BMP1: variants seen among roughly 807,000 people sequenced by gnomAD.
BMP1 encodes bone morphogenetic protein 1.
In BMP1, 63 loss-of-function variants were observed where a neutral mutation model predicts 116.8. That is an observed-to-expected ratio of 0.54 (90% CI 0.44 to 0.67). BMP1 has a LOEUF of 0.67. BMP1 is among the 30% of genes least tolerant of loss of function. The probability of loss-of-function intolerance (pLI) is 0.00; values close to 1 mark genes in which losing one functional copy is unlikely to be tolerated. For synonymous variants in BMP1, 536 were observed against 533.4 expected (o/e 1.00, Z -0.07); for missense variants, 1,183 against 1,358.9 (o/e 0.87, Z 2.04).
chr8:22,208,564 C>CCCCAG (rs1248063717), intron 18 of BMP1, among the ~76,000 whole-genome samples: 1 of 152,162 alleles, frequency 6.6e-6, no homozygotes, highest in Non-Finnish European at 1.5e-5. Flanking sequence ...AGAGACACAA[C>CCCCAG]CCCAGCCCAG....
At chr8:22,178,545 A>C (rs1446803987) in intron 6 of BMP1, among the ~76,000 whole-genome samples, 1 of 150,894 alleles carries the variant, frequency 6.6e-6, no homozygotes, top group African/African-American at 2.5e-5. Flanking sequence ...CAAAACGCTG[A>C]GATTACAGGC....
rs762317805 is a variant in BMP1 at position 22,207,448 on chromosome 8, G to T, written c.2507G>T (p.Arg836Leu). The change falls in exon 18 of 20, where the codon CGC becomes CTC. Residue 836 changes from arginine to leucine, a missense_variant. Arg to Leu is a moderately radical substitution (Grantham distance 102). Around this residue, in one of 4 missense-constraint regions of BMP1, gnomAD observed 956 missense variants for 1,135.2 expected, o/e 0.84. Coordinates refer to ENST00000306385, the MANE Select transcript of BMP1 (RefSeq NM_006129.5). The stretch of plus-strand genomic sequence containing the variant: ...GAGCCCGTCCTGGCCACAGGCAGCC[G>T]CATGTTCCTGCGCTTCTACTCAGAT... ...KPEPVLATGS[R>L]MFLRFYSDNS... 5.0e-6 allele frequency: 8 copies of T among 1,614,120 alleles called. No homozygotes were observed. The highest frequency in any genetic ancestry group is 1.7e-5 in the Admixed American group (1 of 60,032).
intron 8 of BMP1, 141 bp from the exon 9 acceptor site, chr8:22,191,908 A>T: frequency 1.5e-6 from 1 of 646,868 alleles, no homozygotes; most frequent in African/African-American, 1.8e-5. Context: ...GTTCTGTGCC[A>T]GGAGCTCCTT....
Position 22,194,307 on chromosome 8 carries a change from C to A in BMP1, c.1297+133C>A. The A allele has an allele frequency of 6.9e-7, 1 of 1,452,610 alleles. No individual in the cohort carries two copies. The allele number at this position is 1,452,610 out of a possible 1,614,324, so 90.0% of individuals were successfully genotyped here. ...AGAAGCAGAGAGAATGATGGGATTG[C>A]CTGGGACTGGGGGTTTGGTGGGGAA... On this transcript the variant is annotated intron_variant, in intron 10 of 19. Transcript: ENST00000306385. The surrounding 1 kb of genome is among the most constrained non-coding windows in gnomAD (Gnocchi z 4.5).
intron 1 of BMP1, among the ~76,000 whole-genome samples, chr8:22,166,675 G>A (rs570135387): frequency 6.6e-6 from 1 of 152,338 alleles, no homozygotes; most frequent in South Asian, 2.1e-4. Flanking sequence ...GGTTGCTCTA[G>A]TCCTGGCTCT....
intron 16 of BMP1, among the ~76,000 whole-genome samples, chr8:22,206,103 A>G (rs1480652601): frequency 6.6e-6 from 1 of 152,166 alleles, no homozygotes; most frequent in Non-Finnish European, 1.5e-5. Flanking sequence ...GCAGTGGCTC[A>G]CGCCTGTAAT....
intron 1 of BMP1, 152 bp downstream of exon 1, chr8:22,165,705 G>A (rs1828075586): frequency 1.1e-6 from 1 of 899,336 alleles, no homozygotes; most frequent in East Asian, 3.3e-5. Flanking sequence ...GGGAGAGGGA[G>A]GGGGATTTGG....
Position 22,199,227 on chromosome 8 carries a change from C to G in BMP1, c.2107+1807C>G, listed in dbSNP as rs1434026933. The G allele has an allele frequency of 2.9e-6, 4 of 1,367,510 alleles. No individual in the cohort carries two copies. The Admixed American group carries it at 5.7e-5, about 20-fold the overall frequency. 84.7% of individuals were successfully genotyped at this position (1,367,510 alleles called of 1,614,324 possible). On this transcript the variant is annotated intron_variant, in intron 15 of 19. Transcript: ENST00000306385. ...CCCCACTGGGGGCATCGAGGCTCAG[C>G]CCTCAGGGCCCGGGGCATCTGACTC...
chr8:22,200,954 G>A (rs958280892), intron 15 of BMP1, among the ~76,000 whole-genome samples: 15 of 151,790 alleles, frequency 9.9e-5, no homozygotes, highest in Admixed American at 3.3e-4. Context: ...GGATGCGCCC[G>A]GACATGGCCA....
At chr8:22,174,093 G>C (rs769590829) in intron 2 of BMP1, among the ~76,000 whole-genome samples, 2 of 152,182 alleles carry the variant, frequency 1.3e-5, no homozygotes, top group African/African-American at 4.8e-5. Flanking sequence ...GTGAGTGGCA[G>C]AGCTGGGACT....
chr8:22,210,613 A>G (rs1829447436), intron 19 of BMP1, among the ~76,000 whole-genome samples: 3 of 152,114 alleles, frequency 2.0e-5, no homozygotes, highest in Admixed American at 6.5e-5. Flanking sequence ...AGCTCCTGGA[A>G]GCTGCAGCAG....
At chr8:22,203,907 C>T (rs1251807092) in intron 16 of BMP1, among the ~76,000 whole-genome samples, 1 of 152,216 alleles carries the variant, frequency 6.6e-6, no homozygotes, top group Admixed American at 6.5e-5. Flanking sequence ...GAACAGAATC[C>T]ACAAGATAGC....
chr8:22,207,874 TTTTA>T (rs1829393364), intron 18 of BMP1, among the ~76,000 whole-genome samples: 2 of 152,146 alleles, frequency 1.3e-5, no homozygotes, highest in African/African-American at 4.8e-5. Flanking sequence ...ATTTTTTTAT[TTTTA>T]TTTTTATTTA....
At position 22,206,995 on chromosome 8, in the gene BMP1, T is replaced by C. The variant is rs1207386513; in HGVS notation, c.2361+14T>C. ...CGGGTCAAGCTGGTAAGGGGTCCCC[T>C]CCCCACTCCTTATGCGGTGTGGCTG... On this transcript the variant is annotated intron_variant, in intron 17 of 19. Coordinates refer to ENST00000306385, the MANE Select transcript of BMP1 (RefSeq NM_006129.5). 1 of 1,613,650 alleles carries C rather than the reference T, an allele frequency of 6.2e-7. No homozygotes were observed.
intron 13 of BMP1, among the ~76,000 whole-genome samples, chr8:22,195,875 C>T (rs112822682): frequency 6.6e-6 from 1 of 152,164 alleles, no homozygotes; most frequent in African/African-American, 2.4e-5. Context: ...TCTCAAACTC[C>T]TGGCCTCAAG....
rs1304793886 is a variant in BMP1, at chr8:22,211,843, G to T, written c.*115G>T. 10 of 1,516,946 alleles carry T rather than the reference G, an allele frequency of 6.6e-6. No individual in the cohort carries two copies. The highest frequency in any genetic ancestry group is 9.0e-6 in the Non-Finnish European group (10 of 1,114,070). The allele number at this position is 1,516,946 out of a possible 1,614,324, so 94.0% of individuals were successfully genotyped here. ...CCCTCTCCCCCAGGCCCCAGGACCTGCAGGGCCAATGGCCTGGTGAGACTG... is the reference window on the plus strand; with the variant it reads ...CCCTCTCCCCCAGGCCCCAGGACCTTCAGGGCCAATGGCCTGGTGAGACTG... On this transcript the variant is annotated 3_prime_UTR_variant, in exon 20 of 20. Transcript: ENST00000306385.
chr8:22,197,530 G>C, intron 15 of BMP1, 110 bp downstream of exon 15: 5 of 1,273,002 alleles, frequency 3.9e-6, no homozygotes, highest in Non-Finnish European at 5.5e-6. Flanking sequence ...GTGCCAGGCA[G>C]GCAGAGTCTG....
chr8:22,183,010 C>T (rs182851175), intron 8 of BMP1, among the ~76,000 whole-genome samples: 2 of 152,340 alleles, frequency 1.3e-5, no homozygotes, highest in East Asian at 1.9e-4. Flanking sequence ...ATCATTCTTA[C>T]GTGGACAGAT....
At chr8:22,199,792 C>G (rs571240805) in intron 15 of BMP1, among the ~76,000 whole-genome samples, 3 of 152,272 alleles carry the variant, frequency 2.0e-5, no homozygotes, top group South Asian at 2.1e-4. Context: ...TCAAAGGCAG[C>G]TCATGGAGGG....
Sources: allele counts gnomAD v4.1 joint callset (sites outside exome capture counted in the v4.1 genomes callset), GRCh38; gene constraint gnomAD v4.1.1; regional missense constraint gnomAD v4.1.1; non-coding constraint Gnocchi (gnomAD v3.1); transcripts MANE v1.5; gene names NCBI Gene and HGNC (gene_info 2026-07-23, HGNC 2026-07-21).